The following CACHD1 variants were observed in gnomAD, a reference collection of about 807,000 sequenced individuals.
CACHD1 encodes VWFA and cache domain-containing protein 1.
In CACHD1, 71 loss-of-function variants were observed where a neutral mutation model predicts 138.7. The observed-to-expected ratio is 0.51, with a 90% confidence interval of 0.42 to 0.62. The LOEUF (loss-of-function observed/expected upper bound fraction) is 0.62, where lower values mean the gene tolerates loss of function less well. Among genes scored for constraint, CACHD1 ranks in the 20% least tolerant of loss-of-function variants. The probability of loss-of-function intolerance (pLI) is 0.00; values close to 1 mark genes in which losing one functional copy is unlikely to be tolerated. For missense variants in CACHD1, 1,389 were observed against 1,625.3 expected, an observed-to-expected ratio of 0.85 and a Z score of 2.50; for synonymous variants, 578 against 591.5, an observed-to-expected ratio of 0.98 and a Z score of 0.33.
intron 1 of CACHD1, among the ~76,000 whole-genome samples, chr1:64,487,759 T>C (rs911027731): frequency 1.3e-5 from 2 of 152,328 alleles, no homozygotes; most frequent in South Asian, 4.1e-4. Flanking sequence ...TTAATTCATT[T>C]GGTTAGTAGA....
chr1:64,665,722 A>G (rs1044087072), intron 15 of CACHD1, among the ~76,000 whole-genome samples: 17 of 152,242 alleles, frequency 1.1e-4, no homozygotes, highest in East Asian at 1.9e-4. Flanking sequence ...CATACTTAAA[A>G]ATAACATGAC....
chr1:64,519,489 A>T (rs1646482272), intron 1 of CACHD1, among the ~76,000 whole-genome samples: 1 of 152,224 alleles, frequency 6.6e-6, no homozygotes, highest in South Asian at 2.1e-4. Flanking sequence ...TAGGGAACTG[A>T]TTTTATTCTA....
At chr1:64,506,132 G>A (rs1646374506) in intron 1 of CACHD1, 1 of 152,180 alleles carries the variant, frequency 6.6e-6, no homozygotes, top group Non-Finnish European at 1.5e-5. Context: ...CTTCTTAAGT[G>A]CCAGGTGCGA....
Position 64,535,545 on chromosome 1 carries a change from G to A in CACHD1, c.199-15049G>A, listed in dbSNP as rs141578280. The stretch of plus-strand genomic sequence containing the variant: ...TCACCATGTTGGCCAGGGTGGTCTC[G>A]TACTCCTGACCTCAGGTGATCCACC... On this transcript the variant is annotated intron_variant, in intron 1 of 26. Coordinates refer to ENST00000651257, the MANE Select transcript of CACHD1 (RefSeq NM_020925.4). Among the ~76,000 whole-genome samples, 111 of 152,008 alleles carry A rather than the reference G, an allele frequency of 7.3e-4. 3 individuals carry two copies. The East Asian group carries it at 0.019, about 27-fold the overall frequency.
At chr1:64,486,350 GCACACACA>G (rs549032174) in intron 1 of CACHD1, among the ~76,000 whole-genome samples, 1 of 123,288 alleles carries the variant, frequency 8.1e-6, no homozygotes, top group African/African-American at 3.0e-5. Context: ...GAGAGCGCGC[GCACACACA>G]CACACACACA....
At chr1:64,615,913 A>T (rs1035621796) in intron 4 of CACHD1, among the ~76,000 whole-genome samples, 1 of 152,162 alleles carries the variant, frequency 6.6e-6, no homozygotes, top group Non-Finnish European at 1.5e-5. Flanking sequence ...CTTTCATTTT[A>T]TTCTTACCAT....
chr1:64,685,091 G>A (rs141761040), intron 26 of CACHD1, among the ~76,000 whole-genome samples: 27 of 152,288 alleles, frequency 1.8e-4, no homozygotes, highest in African/African-American at 6.3e-4. Flanking sequence ...TTACAGGCGT[G>A]AGCCACTGCG....
intron 4 of CACHD1, among the ~76,000 whole-genome samples, chr1:64,615,840 GAC>G (rs1465729388): frequency 6.6e-6 from 1 of 152,078 alleles, no homozygotes; most frequent in African/African-American, 2.4e-5. Context: ...GATGAGCCCA[GAC>G]ACACAATATA....
At chr1:64,495,918 G>A (rs1009929439) in intron 1 of CACHD1, among the ~76,000 whole-genome samples, 2 of 152,126 alleles carry the variant, frequency 1.3e-5, no homozygotes, top group African/African-American at 4.8e-5. Flanking sequence ...AAAAGAACAT[G>A]TATGGACTTT....
chr1:64,478,377 C>G (rs1346298343), intron 1 of CACHD1, among the ~76,000 whole-genome samples: 1 of 152,190 alleles, frequency 6.6e-6, no homozygotes, highest in Non-Finnish European at 1.5e-5. Flanking sequence ...TGGACTACTG[C>G]AATATGAACT....
At chr1:64,666,307 TTC>T in intron 16 of CACHD1, 140 bp downstream of exon 16, 1 of 524,372 alleles carries the variant, frequency 1.9e-6, no homozygotes, top group Non-Finnish European at 3.4e-6. Flanking sequence ...TTTGAACATC[TTC>T]TCTTTCTGTC....
At chr1:64,535,906 G>A (rs147653207) in intron 1 of CACHD1, among the ~76,000 whole-genome samples, 112 of 152,162 alleles carry the variant, frequency 7.4e-4, no homozygotes, top group African/African-American at 2.6e-3. Context: ...CCTTAAGTTT[G>A]ATAACCACCA....
chr1:64,475,637 A>G (rs544207023), intron 1 of CACHD1, among the ~76,000 whole-genome samples: 3 of 151,966 alleles, frequency 2.0e-5, no homozygotes, highest in Admixed American at 1.3e-4. Flanking sequence ...ACCTCTGCCT[A>G]CCGGGTTCAC....
chr1:64,678,820 C>T (rs574144962), intron 23 of CACHD1, among the ~76,000 whole-genome samples: 6 of 152,272 alleles, frequency 3.9e-5, no homozygotes, highest in Admixed American at 3.9e-4. Context: ...GGGTGGACAG[C>T]CCCTGGGATC....
At chr1:64,654,538 A>G (rs12075384) in intron 11 of CACHD1, 148 bp from the exon 12 acceptor site, 14 of 625,762 alleles carry the variant, frequency 2.2e-5, no homozygotes, top group African/African-American at 2.0e-4. Context: ...GCAATTGAAA[A>G]TCTCACATTA....
chr1:64,556,832 T>C (rs1171593769), intron 2 of CACHD1, among the ~76,000 whole-genome samples: 1 of 152,228 alleles, frequency 6.6e-6, no homozygotes, highest in East Asian at 1.9e-4. Flanking sequence ...GCACACATTC[T>C]TGTGTGGAAC....
At chr1:64,583,483 G>A (rs1010610058) in intron 3 of CACHD1, among the ~76,000 whole-genome samples, 1 of 152,186 alleles carries the variant, frequency 6.6e-6, no homozygotes, top group Non-Finnish European at 1.5e-5. Flanking sequence ...CCAGGATGTT[G>A]TGAACATTTC....
intron 1 of CACHD1, among the ~76,000 whole-genome samples, chr1:64,489,643 T>C (rs942432056): frequency 1.3e-5 from 2 of 152,228 alleles, no homozygotes; most frequent in Non-Finnish European, 2.9e-5. Context: ...CCACCGTCGT[T>C]GTAGAGTTAA....
At chr1:64,626,747 A>G (rs1200703049) in intron 4 of CACHD1, among the ~76,000 whole-genome samples, 3 of 152,226 alleles carry the variant, frequency 2.0e-5, no homozygotes, top group Non-Finnish European at 4.4e-5. Flanking sequence ...CTAGAGGGTC[A>G]CAGGCATTCA....
Sources: gnomAD v4.1 joint callset for allele counts (sites outside exome capture counted in the v4.1 genomes callset) on GRCh38, gnomAD v4.1.1 for gene constraint, MANE v1.5 for transcripts, NCBI Gene and HGNC (gene_info 2026-07-23, HGNC 2026-07-21) for gene names.